KCNMB2: variants seen among roughly 807,000 people sequenced by gnomAD.
KCNMB2 encodes the protein potassium calcium-activated channel subfamily M regulatory beta subunit 2, also known as calcium-activated potassium channel subunit beta-2.
A neutral mutation model predicts 24.5 loss-of-function variants in KCNMB2; 9 were observed. That is an observed-to-expected ratio of 0.37 (90% CI 0.22 to 0.64). The LOEUF (loss-of-function observed/expected upper bound fraction) is 0.64. Among genes scored for constraint, KCNMB2 ranks in the 30% least tolerant of loss-of-function variants. KCNMB2 has a pLI of 0.63. For synonymous variants in KCNMB2, 109 were observed against 104.4 expected (o/e 1.04, Z -0.27); for missense variants, 226 against 284.3 (o/e 0.79, Z 1.47).
intron 1 of KCNMB2, among the ~76,000 whole-genome samples, chr3:178,591,101 A>G (rs1560121637): frequency 6.6e-6 from 1 of 152,188 alleles, no homozygotes; most frequent in Non-Finnish European, 1.5e-5. Flanking sequence ...AGAGGAAGCT[A>G]ATATTTCATA....
At chr3:178,556,383 A>G (rs1454493599) in intron 1 of KCNMB2, among the ~76,000 whole-genome samples, 2 of 152,192 alleles carry the variant, frequency 1.3e-5, no homozygotes, top group African/African-American at 2.4e-5. Flanking sequence ...TTGGAGACTC[A>G]TAGAACACAT....
At chr3:178,590,159 T>C (rs1717611629) in intron 1 of KCNMB2, among the ~76,000 whole-genome samples, 1 of 152,206 alleles carries the variant, frequency 6.6e-6, no homozygotes, top group African/African-American at 2.4e-5. Flanking sequence ...TTTTTATTCA[T>C]CTTCTTCCTC....
chr3:178,812,138 A>C (rs866907990), intron 2 of KCNMB2, among the ~76,000 whole-genome samples: 1 of 152,046 alleles, frequency 6.6e-6, no homozygotes, highest in Admixed American at 6.5e-5. Context: ...CATATTAATT[A>C]TTTATCTGCT....
chr3:178,733,386 T>C (rs1296250622), intron 1 of KCNMB2, among the ~76,000 whole-genome samples: 1 of 152,166 alleles, frequency 6.6e-6, no homozygotes, highest in African/African-American at 2.4e-5. Context: ...TAGGCCTTTG[T>C]AAGGGGTTTG....
intron 1 of KCNMB2, among the ~76,000 whole-genome samples, chr3:178,635,473 A>G (rs1719488926): frequency 6.6e-6 from 1 of 151,792 alleles, no homozygotes. Flanking sequence ...CTCAGCTTTG[A>G]CACCGGGCAG....
At chr3:178,554,192 T>C (rs56222609) in intron 1 of KCNMB2, among the ~76,000 whole-genome samples, 35,920 of 152,114 alleles carry the variant, frequency 0.24, 4,985 homozygotes, top group East Asian at 0.43. Flanking sequence ...TAAGGCCTAA[T>C]TCAAATTCAG....
At chr3:178,628,478 G>T (rs904629156) in intron 1 of KCNMB2, among the ~76,000 whole-genome samples, 8 of 152,162 alleles carry the variant, frequency 5.3e-5, no homozygotes, top group African/African-American at 1.9e-4. Context: ...GGGTAGGCTA[G>T]CCATCATTTC....
At chr3:178,781,816 T>A (rs981218207) in intron 1 of KCNMB2, among the ~76,000 whole-genome samples, 2 of 150,974 alleles carry the variant, frequency 1.3e-5, no homozygotes, top group Non-Finnish European at 2.9e-5. Context: ...ATACTTTAAG[T>A]TTTAGGGTAC....
chr3:178,609,405 T>C (rs1175414512), intron 1 of KCNMB2, among the ~76,000 whole-genome samples: 3 of 138,402 alleles, frequency 2.2e-5, no homozygotes, highest in African/African-American at 3.4e-5. Flanking sequence ...GTCTGAGGTG[T>C]TTTTTTTTCC....
At chr3:178,738,696 T>A (rs1723395248) in intron 1 of KCNMB2, among the ~76,000 whole-genome samples, 1 of 152,152 alleles carries the variant, frequency 6.6e-6, no homozygotes, top group African/African-American at 2.4e-5. Flanking sequence ...TGACTCTCCA[T>A]AGTAGATTCC....
chr3:178,770,306 C>T (rs1473241634), intron 1 of KCNMB2, among the ~76,000 whole-genome samples: 3 of 152,190 alleles, frequency 2.0e-5, no homozygotes, highest in Non-Finnish European at 4.4e-5. Flanking sequence ...ATCTAGGTTA[C>T]ATCTACAGGA....
intron 1 of KCNMB2, among the ~76,000 whole-genome samples, chr3:178,696,991 A>C (rs6443561): frequency 0.72 from 108,772 of 152,034 alleles, 39,426 homozygotes; most frequent in African/African-American, 0.86. Context: ...CATTTCAATT[A>C]TTCTACATTT....
At chr3:178,557,031 G>A (rs1036066245) in intron 1 of KCNMB2, among the ~76,000 whole-genome samples, 4 of 152,152 alleles carry the variant, frequency 2.6e-5, no homozygotes, top group African/African-American at 9.7e-5. Context: ...CAGGTTTGAG[G>A]GAAGGAGCCA....
chr3:178,616,866 G>A (rs2108522696), intron 1 of KCNMB2, among the ~76,000 whole-genome samples: 1 of 152,236 alleles, frequency 6.6e-6, no homozygotes, highest in South Asian at 2.1e-4. Context: ...AATGGAAAGT[G>A]GAATCTAGGT....
intron 1 of KCNMB2, chr3:178,746,907 T>G (rs2108383841): frequency 6.5e-6 from 1 of 152,696 alleles, no homozygotes; most frequent in Non-Finnish European, 1.5e-5. Flanking sequence ...GTCAAAGCCA[T>G]TCAACAAGTC....
intron 1 of KCNMB2, among the ~76,000 whole-genome samples, chr3:178,712,231 C>T (rs1722476157): frequency 6.6e-6 from 1 of 152,128 alleles, no homozygotes; most frequent in Admixed American, 6.6e-5. Context: ...GGCCTAACCA[C>T]CTACGTGCCA....
intron 1 of KCNMB2, among the ~76,000 whole-genome samples, chr3:178,666,693 A>G (rs757037125): frequency 2.5e-4 from 38 of 152,198 alleles, no homozygotes; most frequent in Admixed American, 4.6e-4. Flanking sequence ...CCCACCATGA[A>G]CAAGGCACTG....
chr3:178,546,231 T>TC (rs1188364407), intron 1 of KCNMB2, among the ~76,000 whole-genome samples: 3 of 152,196 alleles, frequency 2.0e-5, no homozygotes, highest in African/African-American at 7.2e-5. Context: ...TCTATAACAA[T>TC]CTGCTTCTCA....
At chr3:178,837,816 T>C (rs1715287600) in intron 4 of KCNMB2, among the ~76,000 whole-genome samples, 3 of 152,132 alleles carry the variant, frequency 2.0e-5, no homozygotes, top group South Asian at 4.1e-4. Flanking sequence ...TGGTAGTTTA[T>C]ATGAAGAATC....
Sources: gnomAD v4.1 joint callset for allele counts (sites outside exome capture counted in the v4.1 genomes callset) on GRCh38, gnomAD v4.1.1 for gene constraint, MANE v1.5 for transcripts, NCBI Gene and HGNC (gene_info 2026-07-23, HGNC 2026-07-21) for gene names.